ERGIC1: variants seen among roughly 807,000 people sequenced by gnomAD.
ERGIC1 encodes endoplasmic reticulum-golgi intermediate compartment 1.
Under a neutral mutation model 38.3 loss-of-function variants are expected in ERGIC1, and 19 were observed. That is an observed-to-expected ratio of 0.50 (90% CI 0.35 to 0.73). The LOEUF is 0.73. Among genes scored for constraint, ERGIC1 ranks in the 30% least tolerant of loss-of-function variants. The probability of loss-of-function intolerance (pLI) is 0.01; values close to 1 mark genes in which losing one functional copy is unlikely to be tolerated. For missense variants in ERGIC1, 294 were observed against 389.2 expected (o/e 0.76, Z 2.06); for synonymous variants, 124 against 157.6 (o/e 0.79, Z 1.60).
At chr5:172,902,592 ACTTTGG>A (rs1335532959) in intron 3 of ERGIC1, among the ~76,000 whole-genome samples, 2 of 152,100 alleles carry the variant, frequency 1.3e-5, no homozygotes. Context: ...GGGTGCTGGG[ACTTTGG>A]CTTTGGAGCA....
intron 3 of ERGIC1, among the ~76,000 whole-genome samples, chr5:172,901,534 A>G (rs983556034): frequency 6.6e-6 from 1 of 152,178 alleles, no homozygotes; most frequent in Non-Finnish European, 1.5e-5. Context: ...GGTACCTTCC[A>G]TACTATAACT....
chr5:172,921,808 G>A (rs1763527241), intron 5 of ERGIC1, among the ~76,000 whole-genome samples: 1 of 152,206 alleles, frequency 6.6e-6, no homozygotes, highest in Non-Finnish European at 1.5e-5. Context: ...TCTGTCCTCT[G>A]CACCTGTTCA....
At chr5:172,940,573 A>G (rs1406271118) in intron 9 of ERGIC1, among the ~76,000 whole-genome samples, 1 of 152,200 alleles carries the variant, frequency 6.6e-6, no homozygotes, top group Non-Finnish European at 1.5e-5. Context: ...AGGAACAGCC[A>G]GAAGTCACAA....
At chr5:172,836,008 C>T (rs545944084) in intron 1 of ERGIC1, among the ~76,000 whole-genome samples, 2 of 152,336 alleles carry the variant, frequency 1.3e-5, no homozygotes, top group South Asian at 4.1e-4. Flanking sequence ...CACCGCCGCC[C>T]CCTGCCCCTG....
intron 1 of ERGIC1, among the ~76,000 whole-genome samples, chr5:172,855,101 A>G (rs1415957593): frequency 3.9e-5 from 6 of 152,224 alleles, no homozygotes; most frequent in Middle Eastern, 3.4e-3. Context: ...TGTTCCCCCA[A>G]CGGACAGTGG....
At chr5:172,867,587 GC>G in intron 1 of ERGIC1, 5 of 410,508 alleles carry the variant, frequency 1.2e-5, no homozygotes, top group Admixed American at 2.6e-5. Context: ...AGTCCTAGCC[GC>G]CCCCTGTCCT....
intron 1 of ERGIC1, among the ~76,000 whole-genome samples, chr5:172,882,752 T>A (rs1762315683): frequency 6.6e-6 from 1 of 152,124 alleles, no homozygotes; most frequent in South Asian, 2.1e-4. Flanking sequence ...TCTTAGAGCG[T>A]CATCATCGCC....
intron 3 of ERGIC1, among the ~76,000 whole-genome samples, chr5:172,903,968 T>TATACACACACACACACAC (rs141778986): frequency 1.3e-5 from 2 of 150,292 alleles, no homozygotes; most frequent in Non-Finnish European, 3.0e-5. Flanking sequence ...GTCTCACACA[T>TATACACACACACACACAC]ACACACACAC....
rs56358883 is a variant in ERGIC1, at chr5:172,949,655, C to CGGG, written c.766-1047_766-1045dup. On this transcript the variant is annotated intron_variant, in intron 9 of 9. Transcript: ENST00000393784. ...AGACATTGTGGTTGTCACAGCGTGG[C>CGGG]GGGGGGGGGTATGATTGGCATCTCC... 1.4e-3 allele frequency among the ~76,000 whole-genome samples: 202 copies of CGGG among 142,494 alleles called. 1 individual carries two copies. The highest frequency in any genetic ancestry group is 4.7e-3 in the African/African-American group (181 of 38,292). The allele number at this position is 142,494 out of a possible 152,430, so 93.5% of individuals were successfully genotyped here.
At chr5:172,923,949 T>A in intron 5 of ERGIC1, 56 bp from the exon 6 acceptor site, 1 of 1,509,306 alleles carries the variant, frequency 6.6e-7, no homozygotes, top group Non-Finnish European at 9.2e-7. Context: ...GAGGCCCCAA[T>A]GTTCCGCCCC....
At chr5:172,944,912 G>T (rs770268325) in intron 9 of ERGIC1, among the ~76,000 whole-genome samples, 5 of 152,236 alleles carry the variant, frequency 3.3e-5, no homozygotes, top group Non-Finnish European at 7.3e-5. Context: ...GCCCCCGGCT[G>T]ACACCCCTGA....
rs550717656 is a variant in ERGIC1, at chr5:172,932,576, G to A, written c.642+40G>A. On this transcript the variant is annotated intron_variant, in intron 8 of 9. Transcript: ENST00000393784. ...GCTGGGCCGAGCTGTGTGCGGCGGC[G>A]CCCTCTGCTGACGGAGAGCAGAGAT... 43 of 1,591,414 alleles carry A rather than the reference G, an allele frequency of 2.7e-5. No homozygotes were observed. The South Asian group carries it at 4.2e-4, about 16-fold the overall frequency.
Position 172,897,118 on chromosome 5 carries a change from A to G in ERGIC1, c.155+44A>G. 2.5e-6 allele frequency: 4 copies of G among 1,590,142 alleles called. No homozygotes were observed. The South Asian group carries it at 3.3e-5, about 13-fold the overall frequency. On this transcript the variant is annotated intron_variant, in intron 3 of 9. Coordinates refer to ENST00000393784, the MANE Select transcript of ERGIC1 (RefSeq NM_001031711.3). ...ATGGGGCATTCCAGGATGTTCTGGGACCCCAGACAAGAAGAGGGAGGGGTC... is the reference window on the plus strand; with the variant it reads ...ATGGGGCATTCCAGGATGTTCTGGGGCCCCAGACAAGAAGAGGGAGGGGTC...
At chr5:172,924,138 G>C in intron 6 of ERGIC1, 29 bp downstream of exon 6, 1 of 1,606,820 alleles carries the variant, frequency 6.2e-7, no homozygotes, top group South Asian at 1.1e-5. Context: ...AGATGGCATG[G>C]CCGGGGGTGG....
chr5:172,952,574 A>G lies in ERGIC1; in HGVS notation c.*1758A>G, dbSNP rs1456659686. On this transcript the variant is annotated 3_prime_UTR_variant, in exon 10 of 10. Transcript: ENST00000393784. ...AGGGGATGTCAGTTTCCTATGGAAG[A>G]GACACCTCTGACCCGTTATTCTTAT... is the stretch of plus-strand genomic sequence containing the variant. The G allele has an allele frequency of 6.6e-6, 1 of 151,658 alleles. No individual in the cohort carries two copies. The highest frequency in any genetic ancestry group is 6.6e-5 in the Admixed American group (1 of 15,244). The allele number at this position is 151,658 out of a possible 1,614,324, so 9.4% of individuals were successfully genotyped here.
intron 1 of ERGIC1, among the ~76,000 whole-genome samples, chr5:172,848,750 C>A (rs887294420): frequency 6.6e-6 from 1 of 152,212 alleles, no homozygotes; most frequent in Non-Finnish European, 1.5e-5. Flanking sequence ...CCAGCTGAGA[C>A]CCTCCTGCAA....
Position 172,843,760 on chromosome 5 carries a change from C to T in ERGIC1, c.20+9327C>T, listed in dbSNP as rs187318498. ...AACTGACCCTCACATTGCACTCATT[C>T]GGCAGAACTCTCTGGATTGAAATCC... is the stretch of plus-strand genomic sequence containing the variant. On this transcript the variant is annotated intron_variant, in intron 1 of 9. Coordinates refer to ENST00000393784, the MANE Select transcript of ERGIC1 (RefSeq NM_001031711.3). 2.3e-3 allele frequency among the ~76,000 whole-genome samples: 351 copies of T among 152,334 alleles called. 1 individual carries two copies. The highest frequency in any genetic ancestry group is 8.0e-3 in the African/African-American group (333 of 41,568).
chr5:172,901,518 A>T (rs1762875198), intron 3 of ERGIC1, among the ~76,000 whole-genome samples: 1 of 152,142 alleles, frequency 6.6e-6, no homozygotes. Context: ...ATGTAATATA[A>T]CTCATGGTAC....
chr5:172,910,905 C>G (rs2113386282), intron 4 of ERGIC1, among the ~76,000 whole-genome samples: 1 of 152,326 alleles, frequency 6.6e-6, no homozygotes, highest in East Asian at 1.9e-4. Context: ...CTGGCTAAAA[C>G]TGTGACCTTG....
Sources: allele counts gnomAD v4.1 joint callset (sites outside exome capture counted in the v4.1 genomes callset), GRCh38; gene constraint gnomAD v4.1.1; transcripts MANE v1.5; gene names NCBI Gene and HGNC (gene_info 2026-07-23, HGNC 2026-07-21).